SECISBP2: variants seen among roughly 807,000 people sequenced by gnomAD.
SECISBP2 encodes the protein SECIS binding protein 2.
Under a neutral mutation model 98.2 loss-of-function variants are expected in SECISBP2, and 96 were observed. The observed-to-expected ratio is 0.98, with a 90% confidence interval of 0.83 to 1.16. The LOEUF (loss-of-function observed/expected upper bound fraction) is 1.16, where lower values mean the gene tolerates loss of function less well. SECISBP2 is among the 50% of genes most tolerant of loss of function. The pLI is 0.00. For synonymous variants in SECISBP2, 407 were observed against 370.2 expected (o/e 1.10, Z -1.14); for missense variants, 1,046 against 1,022.9 (o/e 1.02, Z -0.31).
At chr9:89,321,839 G>A (rs1369576310) in intron 2 of SECISBP2, among the ~76,000 whole-genome samples, 1 of 152,164 alleles carries the variant, frequency 6.6e-6, no homozygotes, top group Non-Finnish European at 1.5e-5. Flanking sequence ...ACTTCACATG[G>A]TTGAGAATTG....
Position 89,352,088 on chromosome 9 carries a change from A to G in SECISBP2, c.2113+1236A>G, listed in dbSNP as rs1013835906. ...GTTTTAAGTATTTGTCATCTTCCCA[A>G]TAGAGCAAAAGGGCTTTGCTGTTAC... is the stretch of plus-strand genomic sequence containing the variant. On this transcript the variant is annotated intron_variant, in intron 14 of 16. Coordinates refer to ENST00000375807, the MANE Select transcript of SECISBP2 (RefSeq NM_024077.5). Among the ~76,000 whole-genome samples the G allele has an allele frequency of 9.9e-5, 15 of 152,196 alleles. 1 individual carries two copies. Among genetic ancestry groups the G allele is most frequent in the South Asian group, 4.1e-4 (2 of 4,836 alleles).
intron 10 of SECISBP2, among the ~76,000 whole-genome samples, chr9:89,344,882 T>A (rs567289503): frequency 6.6e-6 from 1 of 152,332 alleles, no homozygotes; most frequent in East Asian, 1.9e-4. Flanking sequence ...TACAGCCATA[T>A]CTTTTAAAGA....
At chr9:89,346,441 C>T (rs913249901) in intron 10 of SECISBP2, among the ~76,000 whole-genome samples, 4 of 152,040 alleles carry the variant, frequency 2.6e-5, no homozygotes, top group Admixed American at 6.5e-5. Flanking sequence ...GATACACATG[C>T]GGAAACCAAT....
chr9:89,339,976 A>G, intron 9 of SECISBP2, 23 bp downstream of exon 9: 6 of 1,538,424 alleles, frequency 3.9e-6, no homozygotes, highest in South Asian at 2.2e-5. Flanking sequence ...TTGAAACCAC[A>G]AATTGCTTTA....
chr9:89,318,879 G>C (rs771055608), intron 1 of SECISBP2: 2 of 1,249,192 alleles, frequency 1.6e-6, no homozygotes, highest in Non-Finnish European at 2.0e-6. Flanking sequence ...GGCCCAGCCC[G>C]GCGCTCCCCG....
intron 5 of SECISBP2, chr9:89,330,090 TAA>T (rs1827498506): frequency 6.6e-6 from 1 of 152,226 alleles, no homozygotes; most frequent in South Asian, 2.1e-4. Flanking sequence ...TTGTTTTGTT[TAA>T]AGTCACAGTT....
At chr9:89,336,766 CTTTTTTTTTT>C (rs1167993596) in intron 7 of SECISBP2, among the ~76,000 whole-genome samples, 2 of 75,210 alleles carry the variant, frequency 2.7e-5, no homozygotes, top group South Asian at 1.2e-3. Flanking sequence ...CTGTCTAATT[CTTTTTTTTTT>C]TTTTTTTTTT....
Position 89,357,915 on chromosome 9 carries a change from T to A in SECISBP2, c.2269-84T>A. On this transcript the variant is annotated intron_variant, in intron 15 of 16. Coordinates refer to ENST00000375807, the MANE Select transcript of SECISBP2 (RefSeq NM_024077.5). ...TTACCCCATGTCACCCCTGCTTCTC[T>A]GTGGAGGTGGCCATTGCTGAGTTTG... 3 of 1,410,484 alleles carry A rather than the reference T, an allele frequency of 2.1e-6. No homozygotes were observed. In the South Asian group the frequency reaches 3.6e-5, roughly 17 times the overall value. 87.4% of individuals were successfully genotyped at this position (1,410,484 alleles called of 1,614,324 possible).
At chr9:89,330,001 A>G (rs1485661452) in intron 5 of SECISBP2, 1 of 152,240 alleles carries the variant, frequency 6.6e-6, no homozygotes, top group Non-Finnish European at 1.5e-5. Flanking sequence ...AAGGCTGTAT[A>G]GTAGGTCCTC....
chr9:89,362,765 C>T (rs1366928801), downstream of SECISBP2, among the ~76,000 whole-genome samples: 2 of 152,240 alleles, frequency 1.3e-5, no homozygotes, highest in African/African-American at 4.8e-5. Context: ...TGCTGGCAGC[C>T]ACGTAACCCA....
At chr9:89,318,870 G>T (rs563783154) in intron 1 of SECISBP2, 1 of 1,253,718 alleles carries the variant, frequency 8.0e-7, no homozygotes, top group Non-Finnish European at 1.0e-6. Context: ...AGTGACTGCG[G>T]CCCAGCCCGG....
chr9:89,341,208 C>A, intron 9 of SECISBP2, 139 bp from the exon 10 acceptor site: 1 of 775,356 alleles, frequency 1.3e-6, no homozygotes, highest in Non-Finnish European at 2.0e-6. Context: ...GATTTTTTTT[C>A]CTTTCATTAC....
At chr9:89,350,061 C>T in intron 13 of SECISBP2, 132 bp downstream of exon 13, 3 of 1,054,214 alleles carry the variant, frequency 2.8e-6, no homozygotes, top group Non-Finnish European at 4.3e-6. Context: ...TTGAAAGAAG[C>T]TGGGTACCTG....
chr9:89,332,360 G>A (rs928256709), intron 5 of SECISBP2, among the ~76,000 whole-genome samples: 2 of 152,190 alleles, frequency 1.3e-5, no homozygotes. Context: ...AGGGTTCACT[G>A]TTGGTGTTGT....
At chr9:89,341,039 G>A (rs1050282243) in intron 9 of SECISBP2, among the ~76,000 whole-genome samples, 1 of 152,028 alleles carries the variant, frequency 6.6e-6, no homozygotes, top group Non-Finnish European at 1.5e-5. Context: ...TGTAGCCAAA[G>A]ACTTTATACA....
Position 89,336,242 on chromosome 9 carries a change from C to T in SECISBP2, c.1089+1512C>T, listed in dbSNP as rs111987690. 6.8e-3 allele frequency among the ~76,000 whole-genome samples: 1,040 copies of T among 151,830 alleles called. 15 individuals are homozygous for T. The highest frequency in any genetic ancestry group is 0.024 in the African/African-American group (986 of 41,390). ...ATAGAGACAGGGTTTTGCCGTGTTT[C>T]CCAGGCTGGTCTTGAACTCCTGGGC... On this transcript the variant is annotated intron_variant, in intron 7 of 16. Coordinates refer to ENST00000375807, the MANE Select transcript of SECISBP2 (RefSeq NM_024077.5).
chr9:89,341,609 T>C, intron 10 of SECISBP2, 130 bp downstream of exon 10: 1 of 1,075,026 alleles, frequency 9.3e-7, no homozygotes, highest in Non-Finnish European at 1.4e-6. Flanking sequence ...TAAGCATAGA[T>C]AAGGACCTGT....
chr9:89,325,665 G>T lies in SECISBP2; in HGVS notation c.421G>T (p.Ala141Ser), dbSNP rs1055993083. ...NTCPLPQEMK[A>S]LFKKKTYDEK... ...ATGCCCTCTCCCACAAGAAATGAAA[G>T]CTCTGTTTAAGGTGAGTAGTGATGT... The change falls in exon 3 of 17, where the codon GCT becomes TCT. Residue 141 changes from alanine (A) to serine (S), a missense_variant. Coordinates refer to ENST00000375807, the MANE Select transcript of SECISBP2 (RefSeq NM_024077.5). 2.5e-6 allele frequency: 4 copies of T among 1,614,154 alleles called. No individual in the cohort carries two copies. The highest frequency in any genetic ancestry group is 1.7e-5 in the Admixed American group (1 of 60,022).
downstream of SECISBP2, chr9:89,363,744 G>A (rs771608568): frequency 7.4e-6 from 12 of 1,612,174 alleles, no homozygotes; most frequent in Non-Finnish European, 1.0e-5. Flanking sequence ...CACTTACCAG[G>A]TCTCATCACA....
Sources: gnomAD v4.1 joint callset for allele counts (sites outside exome capture counted in the v4.1 genomes callset) on GRCh38, gnomAD v4.1.1 for gene constraint, MANE v1.5 for transcripts, NCBI Gene and HGNC (gene_info 2026-07-23, HGNC 2026-07-21) for gene names.